Variants in SOX5 observed in about 807,000 individuals in gnomAD.
The protein encoded by SOX5 is SRY-box transcription factor 5.
In SOX5, 9 loss-of-function variants were observed where a neutral mutation model predicts 92.0. That is an observed-to-expected ratio of 0.10 (90% confidence interval 0.06 to 0.17). The LOEUF (loss-of-function observed/expected upper bound fraction) is 0.17, where lower values mean the gene tolerates loss of function less well. SOX5 is among the 10% of genes least tolerant of loss of function. SOX5 has a pLI of 1.00. For synonymous variants in SOX5, 344 were observed against 336.3 expected, an observed-to-expected ratio of 1.02 and a Z score of -0.25; for missense variants, 642 against 944.5, an observed-to-expected ratio of 0.68 and a Z score of 4.20.
intron 1 of SOX5, among the ~76,000 whole-genome samples, chr12:24,503,325 A>C (rs914064816): frequency 6.6e-6 from 1 of 152,254 alleles, no homozygotes; most frequent in African/African-American, 2.4e-5. Flanking sequence ...GGAAGCCAGA[A>C]GTTCAAGTCT....
intron 6 of SOX5, among the ~76,000 whole-genome samples, chr12:23,704,319 T>A (rs769109509): frequency 6.6e-6 from 1 of 151,862 alleles, no homozygotes; most frequent in South Asian, 2.1e-4. Context: ...TTAACCCGAA[T>A]TTAAAATTAA....
chr12:23,977,351 C>G (rs953006411), intron 4 of SOX5, among the ~76,000 whole-genome samples: 13 of 152,086 alleles, frequency 8.5e-5, no homozygotes, highest in African/African-American at 2.7e-4. Flanking sequence ...GGACTGAAGT[C>G]TGAGGAAACA....
At chr12:23,540,911 T>G (rs1484500123) in intron 13 of SOX5, among the ~76,000 whole-genome samples, 2 of 152,224 alleles carry the variant, frequency 1.3e-5, no homozygotes, top group Non-Finnish European at 2.9e-5. Flanking sequence ...AAGCTTTCTT[T>G]GTACTTTTGT....
At chr12:24,010,934 A>G (rs1017979275) in intron 4 of SOX5, among the ~76,000 whole-genome samples, 1 of 151,654 alleles carries the variant, frequency 6.6e-6, no homozygotes, top group Admixed American at 6.6e-5. Context: ...GCCATGCTCC[A>G]TTTCCAAAAA....
intron 4 of SOX5, among the ~76,000 whole-genome samples, chr12:24,192,991 A>T (rs1413774214): frequency 6.6e-6 from 1 of 152,256 alleles, no homozygotes; most frequent in Admixed American, 6.5e-5. Context: ...AATGTATGGA[A>T]CACAAATTAT....
At chr12:23,739,641 C>G (rs2093724582) in intron 5 of SOX5, among the ~76,000 whole-genome samples, 2 of 152,146 alleles carry the variant, frequency 1.3e-5, no homozygotes, top group Non-Finnish European at 2.9e-5. Context: ...TCCCAAAGAT[C>G]TACCCTTAGT....
At chr12:24,416,047 C>T (rs1201308128) in intron 1 of SOX5, among the ~76,000 whole-genome samples, 1 of 152,130 alleles carries the variant, frequency 6.6e-6, no homozygotes, top group African/African-American at 2.4e-5. Flanking sequence ...AGGAGAGAAA[C>T]GGGAAGACTT....
chr12:24,528,886 T>C (rs1699407505), intron 1 of SOX5, among the ~76,000 whole-genome samples: 1 of 152,240 alleles, frequency 6.6e-6, no homozygotes, highest in Non-Finnish European at 1.5e-5. Context: ...CCTGTTTTTG[T>C]AGGCAAATAT....
intron 3 of SOX5, among the ~76,000 whole-genome samples, chr12:23,803,438 C>T (rs2095700974): frequency 6.6e-6 from 1 of 152,042 alleles, no homozygotes; most frequent in Non-Finnish European, 1.5e-5. Flanking sequence ...AATTTTTATC[C>T]TTCAATATTT....
At chr12:24,190,738 A>C (rs1218648057) in intron 4 of SOX5, among the ~76,000 whole-genome samples, 5 of 152,214 alleles carry the variant, frequency 3.3e-5, no homozygotes, top group Non-Finnish European at 5.9e-5. Context: ...CACCAGGAAA[A>C]AATACTATGG....
At chr12:23,815,315 T>A (rs2095967286) in intron 3 of SOX5, among the ~76,000 whole-genome samples, 1 of 152,146 alleles carries the variant, frequency 6.6e-6, no homozygotes, top group Non-Finnish European at 1.5e-5. Context: ...TGGACAAAAT[T>A]ATCACTGAAA....
intron 1 of SOX5, among the ~76,000 whole-genome samples, chr12:23,925,453 A>G (rs1939692416): frequency 6.6e-6 from 1 of 152,056 alleles, no homozygotes; most frequent in Non-Finnish European, 1.5e-5. Flanking sequence ...CTTCACAGGC[A>G]ATTTCAGAAT....
At chr12:24,233,768 C>T (rs891769063) in intron 3 of SOX5, among the ~76,000 whole-genome samples, 2 of 152,178 alleles carry the variant, frequency 1.3e-5, no homozygotes, top group Admixed American at 1.3e-4. Context: ...CAAGGAAGAC[C>T]TATGTGCATA....
intron 4 of SOX5, among the ~76,000 whole-genome samples, chr12:23,957,995 C>A (rs892138770): frequency 6.6e-6 from 1 of 151,734 alleles, no homozygotes; most frequent in African/African-American, 2.4e-5. Context: ...CTGTTAATAC[C>A]CCTAAATAAA....
chr12:24,497,812 A>G (rs946234591), intron 1 of SOX5, among the ~76,000 whole-genome samples: 5 of 152,224 alleles, frequency 3.3e-5, no homozygotes, highest in South Asian at 2.1e-4. Context: ...ATGTCCATCA[A>G]TGGTAGACTG....
At chr12:24,035,508 C>T (rs1385448132) in intron 4 of SOX5, among the ~76,000 whole-genome samples, 4 of 151,980 alleles carry the variant, frequency 2.6e-5, no homozygotes, top group African/African-American at 9.7e-5. Context: ...ATACAGCAAT[C>T]AAGAAACAAC....
chr12:24,292,324 A>G (rs1946702527), intron 2 of SOX5, among the ~76,000 whole-genome samples: 1 of 152,230 alleles, frequency 6.6e-6, no homozygotes, highest in Admixed American at 6.5e-5. Flanking sequence ...ACTAAAAAGG[A>G]GACTAATGCT....
intron 1 of SOX5, among the ~76,000 whole-genome samples, chr12:24,529,194 A>G (rs1422527861): frequency 2.0e-5 from 3 of 152,236 alleles, no homozygotes; most frequent in African/African-American, 7.2e-5. Context: ...CAGAAAATAG[A>G]AACAAACAAT....
chr12:24,392,849 A>G (rs1959136745), intron 1 of SOX5, among the ~76,000 whole-genome samples: 1 of 152,134 alleles, frequency 6.6e-6, no homozygotes, highest in South Asian at 2.1e-4. Flanking sequence ...TTATAATAAT[A>G]CATTTCTCCC....
Sources: allele counts gnomAD v4.1 joint callset (sites outside exome capture counted in the v4.1 genomes callset), GRCh38; gene constraint gnomAD v4.1.1; transcripts MANE v1.5; gene names NCBI Gene and HGNC (gene_info 2026-07-23, HGNC 2026-07-21).